The following BCL2 variants were observed in gnomAD, a reference collection of about 807,000 sequenced individuals.
BCL2 encodes the protein BCL2 apoptosis regulator.
In BCL2, 1 loss-of-function variant was observed where a neutral mutation model predicts 14.2. The ratio of observed to expected loss-of-function variants is 0.07; its 90% CI spans 0.02 to 0.33. BCL2 has a LOEUF of 0.33. BCL2 is among the 10% of genes least tolerant of loss of function. The pLI is 0.99. For synonymous variants in BCL2, 151 were observed against 137.2 expected (o/e 1.10, Z -0.70); for missense variants, 247 against 305.9 (o/e 0.81, Z 1.44).
intron 2 of BCL2, among the ~76,000 whole-genome samples, chr18:63,212,598 C>T (rs193291356): frequency 1.3e-4 from 20 of 150,040 alleles, no homozygotes; most frequent in South Asian, 6.3e-4. Context: ...CTACCTTGGC[C>T]GGGTGCGGTG....
intron 2 of BCL2, among the ~76,000 whole-genome samples, chr18:63,301,714 T>A (rs992133120): frequency 1.3e-5 from 2 of 152,226 alleles, no homozygotes; most frequent in African/African-American, 4.8e-5. Flanking sequence ...GAGAACATTA[T>A]GAATAATCCC....
intron 2 of BCL2, among the ~76,000 whole-genome samples, chr18:63,255,828 C>T (rs1460177755): frequency 6.8e-6 from 1 of 147,848 alleles, no homozygotes; most frequent in East Asian, 1.9e-4. Flanking sequence ...CTGCAGCCCT[C>T]CCCCCCCGCC....
rs572258152 is a variant in BCL2 at position 63,221,359 on chromosome 18, C to T, written c.586-92600G>A. Among the ~76,000 whole-genome samples, 19 of 152,166 alleles carry T rather than the reference C, an allele frequency of 1.2e-4. No homozygotes were observed. In the South Asian group the frequency reaches 3.9e-3, roughly 32 times the overall value. ...CAAACAACAGGTTAATCATATGGGT[C>T]CCTTCCCACTACAAGGATGTGAAAT... On this transcript the variant is annotated intron_variant, in intron 2 of 2. Transcript: ENST00000333681.
intron 2 of BCL2, among the ~76,000 whole-genome samples, chr18:63,140,272 A>G (rs565734442): frequency 6.6e-6 from 1 of 152,262 alleles, no homozygotes; most frequent in Non-Finnish European, 1.5e-5. Flanking sequence ...GAGTCACCAC[A>G]TGACCCAGCA....
At chr18:63,297,090 G>A (rs1233848732) in intron 2 of BCL2, among the ~76,000 whole-genome samples, 1 of 152,136 alleles carries the variant, frequency 6.6e-6, no homozygotes, top group East Asian at 1.9e-4. Context: ...GCGGGCGCCT[G>A]TAGTCCCAGC....
intron 2 of BCL2, among the ~76,000 whole-genome samples, chr18:63,301,531 CA>C (rs1203686383): frequency 6.6e-6 from 1 of 152,224 alleles, no homozygotes; most frequent in Non-Finnish European, 1.5e-5. Context: ...ATATGTACTT[CA>C]TGACATCCCT....
chr18:63,317,538 T>C, intron 2 of BCL2: 1 of 985,868 alleles, frequency 1.0e-6, no homozygotes, highest in African/African-American at 1.7e-5. Flanking sequence ...ACATTGGTTT[T>C]CCTCTTTTGG....
At chr18:63,311,353 G>T (rs12458289) in intron 2 of BCL2, among the ~76,000 whole-genome samples, 14,820 of 152,084 alleles carry the variant, frequency 0.097, 866 homozygotes, top group East Asian at 0.27. Flanking sequence ...TCCTTTGTTT[G>T]GTGCTTCAAG....
At chr18:63,281,454 C>T (rs189483706) in intron 2 of BCL2, among the ~76,000 whole-genome samples, 64 of 152,140 alleles carry the variant, frequency 4.2e-4, no homozygotes, top group African/African-American at 1.5e-3. Flanking sequence ...CAATTGAGCT[C>T]AGGAGTTTGA....
chr18:63,174,820 CAAAA>C (rs953107518), intron 2 of BCL2, among the ~76,000 whole-genome samples: 1 of 72,274 alleles, frequency 1.4e-5, no homozygotes, highest in Admixed American at 1.4e-4. Context: ...GACTTTGTCT[CAAAA>C]AAAAAAAAAA....
intron 2 of BCL2, among the ~76,000 whole-genome samples, chr18:63,213,901 C>A (rs1364716858): frequency 1.3e-5 from 2 of 152,000 alleles, no homozygotes; most frequent in African/African-American, 2.4e-5. Context: ...ACCTCTAGGT[C>A]CCAAAAAACA....
chr18:63,251,418 C>T (rs558706333), intron 2 of BCL2, among the ~76,000 whole-genome samples: 1 of 151,988 alleles, frequency 6.6e-6, no homozygotes, highest in African/African-American at 2.4e-5. Flanking sequence ...CCGAGGCAGG[C>T]GGATCACCAG....
chr18:63,165,146 G>T (rs763490952), intron 2 of BCL2, among the ~76,000 whole-genome samples: 2 of 152,026 alleles, frequency 1.3e-5, no homozygotes, highest in Non-Finnish European at 2.9e-5. Flanking sequence ...ATTATTGGGC[G>T]CCTACCATGT....
intron 2 of BCL2, among the ~76,000 whole-genome samples, chr18:63,168,069 A>T (rs773109642): frequency 1.3e-5 from 2 of 151,998 alleles, no homozygotes; most frequent in Non-Finnish European, 2.9e-5. Context: ...TCTCTAAACA[A>T]CAACAACAAC....
At chr18:63,272,259 C>G (rs1439542958) in intron 2 of BCL2, among the ~76,000 whole-genome samples, 2 of 152,210 alleles carry the variant, frequency 1.3e-5, no homozygotes, top group Non-Finnish European at 1.5e-5. Flanking sequence ...AATATCTGTT[C>G]AAGATCCCAA....
chr18:63,187,506 A>G (rs1268302740), intron 2 of BCL2, among the ~76,000 whole-genome samples: 1 of 152,216 alleles, frequency 6.6e-6, no homozygotes, highest in Non-Finnish European at 1.5e-5. Context: ...TTCCTCTAAA[A>G]AGCCTTTCCT....
At chr18:63,261,400 T>C (rs940046373) in intron 2 of BCL2, among the ~76,000 whole-genome samples, 14 of 152,144 alleles carry the variant, frequency 9.2e-5, no homozygotes, top group African/African-American at 2.2e-4. Flanking sequence ...GCTTGATCCA[T>C]AGGGAGCACG....
At chr18:63,290,501 CA>C (rs1272505898) in intron 2 of BCL2, among the ~76,000 whole-genome samples, 1 of 152,110 alleles carries the variant, frequency 6.6e-6, no homozygotes, top group Non-Finnish European at 1.5e-5. Flanking sequence ...TTTTTCACAG[CA>C]AAAGAGAATT....
chr18:63,193,633 T>G (rs1178439749), intron 2 of BCL2, among the ~76,000 whole-genome samples: 1 of 149,390 alleles, frequency 6.7e-6, no homozygotes, highest in Non-Finnish European at 1.5e-5. Context: ...CACATACAAA[T>G]ACACACACAC....
Sources: allele counts gnomAD v4.1 joint callset (sites outside exome capture counted in the v4.1 genomes callset), GRCh38; gene constraint gnomAD v4.1.1; transcripts MANE v1.5; gene names NCBI Gene and HGNC (gene_info 2026-07-23, HGNC 2026-07-21).